The following RSL24D1 variants were observed in gnomAD, a reference collection of about 807,000 sequenced individuals.
RSL24D1 encodes the protein probable ribosome biogenesis protein RLP24.
In RSL24D1, 6 loss-of-function variants were observed where a neutral mutation model predicts 26.2. The ratio of observed to expected loss-of-function variants is 0.23; its 90% CI spans 0.13 to 0.45. The LOEUF (loss-of-function observed/expected upper bound fraction) is 0.45, where lower values mean the gene tolerates loss of function less well. Among genes scored for constraint, RSL24D1 ranks in the 20% least tolerant of loss-of-function variants. RSL24D1 has a pLI of 0.99. For synonymous variants in RSL24D1, 61 were observed against 59.1 expected (o/e 1.03, Z -0.15); for missense variants, 176 against 202.6 (o/e 0.87, Z 0.80).
At chr15:55,190,231 G>C (rs974311433) in intron 3 of RSL24D1, among the ~76,000 whole-genome samples, 1 of 119,502 alleles carries the variant, frequency 8.4e-6, no homozygotes, top group African/African-American at 3.3e-5. Flanking sequence ...CGGTGGGACA[G>C]AGCAAGACTT....
At chr15:55,184,225 T>A (rs551985598) in intron 4 of RSL24D1, among the ~76,000 whole-genome samples, 13 of 152,268 alleles carry the variant, frequency 8.5e-5, no homozygotes, top group Non-Finnish European at 1.8e-4. Flanking sequence ...AGAGGAAACA[T>A]CTTGTTAGCT....
intron 1 of RSL24D1, chr15:55,196,600 G>A: frequency 1.7e-6 from 1 of 599,222 alleles, no homozygotes; most frequent in Non-Finnish European, 3.0e-6. Flanking sequence ...CAAGGGTGGC[G>A]TGGTGGCCAG....
rs768088445 is a variant in RSL24D1, at chr15:55,196,916, A to C, written c.-26T>G. ...GTTGAACCCGCGTGTAACCCCACCAAACAAACGCCAAGCTTGAGAGGAAGT... is the reference window on the plus strand; with the variant it reads ...GTTGAACCCGCGTGTAACCCCACCACACAAACGCCAAGCTTGAGAGGAAGT... On this transcript the variant is annotated 5_prime_UTR_variant, in exon 1 of 6. Transcript: ENST00000260443. 9 of 1,608,940 alleles carry C rather than the reference A, an allele frequency of 5.6e-6. No homozygotes were observed. Among genetic ancestry groups the C allele is most frequent in the Middle Eastern group, 1.6e-4 (1 of 6,068 alleles).
At position 55,190,216 on chromosome 15, in the gene RSL24D1, C is replaced by G. The variant is rs896426162; in HGVS notation, c.268+759G>C. Among the ~76,000 whole-genome samples the G allele has an allele frequency of 9.7e-5, 14 of 143,608 alleles. 1 individual carries two copies. Among genetic ancestry groups the G allele is most frequent in the African/African-American group, 3.7e-4 (14 of 37,804 alleles). The allele number at this position is 143,608 out of a possible 152,430, so 94.2% of individuals were successfully genotyped here. On this transcript the variant is annotated intron_variant, in intron 3 of 5. Transcript: ENST00000260443. ...TGAGCCGAGATCGTGCCACTGCACT[C>G]CAGCCGGTGGGACAGAGCAAGACTT...
At position 55,180,813 on chromosome 15, in the gene RSL24D1, C is replaced by T. The variant is rs1417901384; in HGVS notation, c.*1339G>A. On this transcript the variant is annotated 3_prime_UTR_variant, in exon 6 of 6. Transcript: ENST00000260443. Reference sequence around the variant, plus strand: ...TTGTTTCCTAATAAAACGTAACTTTCAAAATGTTTATTTCTTTAAAAAATG... The same window carrying T: ...TTGTTTCCTAATAAAACGTAACTTTTAAAATGTTTATTTCTTTAAAAAATG... The T allele has an allele frequency of 2.0e-5, 3 of 152,104 alleles. No individual in the cohort carries two copies. The highest frequency in any genetic ancestry group is 7.2e-5 in the African/African-American group (3 of 41,422). The allele number at this position is 152,104 out of a possible 1,614,324, so 9.4% of individuals were successfully genotyped here. A position where few individuals can be genotyped will look rare whatever the true frequency, so the allele number is the denominator to read the frequency against.
At chr15:55,185,732 T>C (rs1461346118) in intron 3 of RSL24D1, among the ~76,000 whole-genome samples, 1 of 152,198 alleles carries the variant, frequency 6.6e-6, no homozygotes, top group Non-Finnish European at 1.5e-5. Context: ...TAAAGAGAAC[T>C]TGGACTACTG....
rs572437008 is a variant in RSL24D1, at chr15:55,186,028, G to A, written c.269-603C>T. ...TGAAATTTTAAATTTTCTAGTAGCC[G>A]TATTTTTTAAAGTAAAAACGAACAG... On this transcript the variant is annotated intron_variant, in intron 3 of 5. Transcript: ENST00000260443. 3.3e-5 allele frequency among the ~76,000 whole-genome samples: 5 copies of A among 152,162 alleles called. No homozygotes were observed. In the South Asian group the frequency reaches 1.0e-3, roughly 32 times the overall value.
At chr15:55,186,918 AAG>A (rs1360125003) in intron 3 of RSL24D1, among the ~76,000 whole-genome samples, 3 of 152,218 alleles carry the variant, frequency 2.0e-5, no homozygotes, top group African/African-American at 4.8e-5. Context: ...AAGAGAGACA[AAG>A]AGAAAAAATT....
intron 4 of RSL24D1, among the ~76,000 whole-genome samples, chr15:55,183,819 T>C (rs1056445983): frequency 6.6e-6 from 1 of 152,188 alleles, no homozygotes; most frequent in East Asian, 1.9e-4. Context: ...ACAACACTTA[T>C]TCATTCATTC....
At chr15:55,190,575 A>G (rs1894285585) in intron 3 of RSL24D1, among the ~76,000 whole-genome samples, 3 of 152,228 alleles carry the variant, frequency 2.0e-5, no homozygotes, top group Non-Finnish European at 4.4e-5. Context: ...TTTATAAGGT[A>G]TACAGAATAC....
chr15:55,183,251 C>A, intron 5 of RSL24D1, 64 bp downstream of exon 5: 4 of 1,158,304 alleles, frequency 3.5e-6, no homozygotes, highest in South Asian at 1.4e-5. Context: ...GAAAAAATAC[C>A]CAAAGTTAGT....
chr15:55,190,771 A>T (rs1309962148), intron 3 of RSL24D1, among the ~76,000 whole-genome samples: 1 of 152,204 alleles, frequency 6.6e-6, no homozygotes, highest in Non-Finnish European at 1.5e-5. Context: ...ACATTATTTT[A>T]AAATGAACAC....
intron 2 of RSL24D1, 97 bp from the exon 3 acceptor site, chr15:55,191,144 G>T: frequency 1.2e-6 from 1 of 829,688 alleles, no homozygotes; most frequent in Non-Finnish European, 1.9e-6. Flanking sequence ...TGTTCTAAAT[G>T]AACATACACC....
intron 4 of RSL24D1, among the ~76,000 whole-genome samples, chr15:55,183,754 A>G (rs1347528942): frequency 6.6e-6 from 1 of 151,984 alleles, no homozygotes; most frequent in Non-Finnish European, 1.5e-5. Context: ...AACAACTCAA[A>G]CTCAAAGTGG....
chr15:55,195,192 A>G (rs1894342181), intron 1 of RSL24D1: 1 of 151,916 alleles, frequency 6.6e-6, no homozygotes. Flanking sequence ...GATTCAGACG[A>G]CTCTCATGTT....
At chr15:55,188,252 C>G (rs1894245136) in intron 3 of RSL24D1, among the ~76,000 whole-genome samples, 1 of 152,188 alleles carries the variant, frequency 6.6e-6, no homozygotes, top group Non-Finnish European at 1.5e-5. Flanking sequence ...AACAACTTTT[C>G]TTAATTGTAT....
At chr15:55,190,792 T>C (rs990532819) in intron 3 of RSL24D1, among the ~76,000 whole-genome samples, 183 bp downstream of exon 3, 2 of 151,800 alleles carry the variant, frequency 1.3e-5, no homozygotes, top group African/African-American at 4.8e-5. Context: ...ACCAGCCAAT[T>C]GTAAAAAAAA....
Position 55,181,122 on chromosome 15 carries a change from G to A in RSL24D1, c.*1030C>T, listed in dbSNP as rs1024922423. The stretch of plus-strand genomic sequence containing the variant: ...AAAAAAACCATTATGCAAACTGATC[G>A]TTACTTAATGTATTTAACATACTTA... On this transcript the variant is annotated 3_prime_UTR_variant, in exon 6 of 6. Coordinates refer to ENST00000260443, the MANE Select transcript of RSL24D1 (RefSeq NM_016304.3). 1.1e-4 allele frequency: 16 copies of A among 151,968 alleles called. No individual in the cohort carries two copies. The highest frequency in any genetic ancestry group is 2.4e-4 in the African/African-American group (10 of 41,352). 9.4% of individuals were successfully genotyped at this position (151,968 alleles called of 1,614,324 possible). A position where few individuals can be genotyped will look rare whatever the true frequency, so the allele number is the denominator to read the frequency against.
intron 3 of RSL24D1, among the ~76,000 whole-genome samples, chr15:55,187,941 TA>T (rs141987845): frequency 6.6e-6 from 1 of 150,890 alleles, no homozygotes; most frequent in African/African-American, 2.4e-5. Context: ...AAATAAAAAA[TA>T]AAAAAAAATC....
Sources: gnomAD v4.1 joint callset for allele counts (sites outside exome capture counted in the v4.1 genomes callset) on GRCh38, gnomAD v4.1.1 for gene constraint, MANE v1.5 for transcripts, NCBI Gene and HGNC (gene_info 2026-07-23, HGNC 2026-07-21) for gene names.